The following DGCR8 variants were observed in gnomAD, a reference collection of about 807,000 sequenced individuals.
DGCR8 encodes the protein DGCR8 microprocessor complex subunit, also known as microprocessor complex subunit DGCR8.
A neutral mutation model predicts 78.5 loss-of-function variants in DGCR8; 14 were observed. The ratio of observed to expected loss-of-function variants is 0.18; its 90% CI spans 0.12 to 0.28. The LOEUF is 0.28. Among genes scored for constraint, DGCR8 ranks in the 10% least tolerant of loss-of-function variants. The pLI, the probability that DGCR8 is intolerant of heterozygous loss-of-function variation, is 1.00. For missense variants in DGCR8, 702 were observed against 1,022.5 expected, an observed-to-expected ratio of 0.69 and a Z score of 4.28; for synonymous variants, 399 against 402.4, an observed-to-expected ratio of 0.99 and a Z score of 0.10.
rs2049464085 is a variant in DGCR8, at chr22:20,085,060, C to T, written c.-277-627C>T. 1.0e-6 allele frequency: 1 copy of T among 983,920 alleles called. No homozygotes were observed. The highest frequency in any genetic ancestry group is 1.2e-6 in the Non-Finnish European group (1 of 828,686). 60.9% of individuals were successfully genotyped at this position (983,920 alleles called of 1,614,324 possible). A position where few individuals can be genotyped will look rare whatever the true frequency, so the allele number is the denominator to read the frequency against. On this transcript the variant is annotated intron_variant, in intron 1 of 13. Transcript: ENST00000351989. The surrounding 1 kb of genome is among the most constrained non-coding windows in gnomAD (Gnocchi z 6.2). The stretch of plus-strand genomic sequence containing the variant: ...AGGTCCCTTCCCCACAGCCACCCAC[C>T]CCTCTCCTCCATCGGGAACAGAACT...
At chr22:20,095,278 G>T (rs1428093119) in intron 9 of DGCR8, among the ~76,000 whole-genome samples, 1 of 152,068 alleles carries the variant, frequency 6.6e-6, no homozygotes, top group African/African-American at 2.4e-5. Context: ...GCTAATTTTT[G>T]TATTTTTAGT....
chr22:20,104,234 G>A (rs975871125), intron 9 of DGCR8, among the ~76,000 whole-genome samples: 6 of 149,998 alleles, frequency 4.0e-5, no homozygotes, highest in Admixed American at 3.3e-4. Context: ...GCGCAATCTT[G>A]GCTCACTGCA....
chr22:20,081,737 C>G (rs1291975508), intron 1 of DGCR8, among the ~76,000 whole-genome samples: 1 of 152,218 alleles, frequency 6.6e-6, no homozygotes, highest in Non-Finnish European at 1.5e-5. Context: ...GCCACCTCTT[C>G]CATATCTCCA....
intron 11 of DGCR8, chr22:20,107,028 G>A (rs936606304): frequency 8.3e-5 from 48 of 580,450 alleles, no homozygotes; most frequent in African/African-American, 1.3e-4. Context: ...GGAGGCTCTC[G>A]GCTGCGTGGC....
At chr22:20,095,548 C>T (rs774929897) in intron 9 of DGCR8, among the ~76,000 whole-genome samples, 4 of 152,114 alleles carry the variant, frequency 2.6e-5, no homozygotes, top group Non-Finnish European at 5.9e-5. Context: ...GACCAGAAGC[C>T]GTACCAGTAA....
At chr22:20,092,515 G>A (rs372634881) in intron 7 of DGCR8, among the ~76,000 whole-genome samples, 2 of 152,122 alleles carry the variant, frequency 1.3e-5, no homozygotes, top group Non-Finnish European at 1.5e-5. Flanking sequence ...TCCGTCTTTC[G>A]TAGACCTTGG....
intron 1 of DGCR8, among the ~76,000 whole-genome samples, chr22:20,081,342 G>A (rs1345942317): frequency 2.6e-5 from 4 of 152,254 alleles, no homozygotes; most frequent in African/African-American, 9.6e-5. Flanking sequence ...TGCTGTCCAA[G>A]TGTACGGGTT....
rs1178146959 is a variant in DGCR8 at position 20,086,353 on chromosome 22, T to C, written c.390T>C (p.Ser130=). 6.2e-7 allele frequency: 1 copy of C among 1,612,088 alleles called. No homozygotes were observed. The highest frequency in any genetic ancestry group is 2.2e-5 in the East Asian group (1 of 44,812). The change falls in exon 2 of 14, where the codon AGT becomes AGC. Residue 130 remains serine, a synonymous_variant. Coordinates refer to ENST00000351989, the MANE Select transcript of DGCR8 (RefSeq NM_022720.7). The surrounding 1 kb of genome is among the most constrained non-coding windows in gnomAD (Gnocchi z 6.4). ...ISVSFTESCR[S]KDRKVLYTGA... ...TGAGCTTTACCGAGAGCTGCAGGAG[T>C]AAGGACAGGAAGGTGCTGTACACAG... is the stretch of plus-strand genomic sequence containing the variant.
chr22:20,083,608 C>T (rs1001666993), intron 1 of DGCR8, among the ~76,000 whole-genome samples: 7 of 152,090 alleles, frequency 4.6e-5, no homozygotes, highest in Non-Finnish European at 1.0e-4. Context: ...TAGCAGGCTT[C>T]CCCATTCCGT....
chr22:20,101,616 C>T, intron 9 of DGCR8: 1 of 985,336 alleles, frequency 1.0e-6, no homozygotes, highest in Middle Eastern at 5.2e-4. Context: ...TGTGATGTCC[C>T]CATTTAAAAA....
At chr22:20,096,960 T>C (rs915707092) in intron 9 of DGCR8, among the ~76,000 whole-genome samples, 3 of 152,192 alleles carry the variant, frequency 2.0e-5, no homozygotes, top group Non-Finnish European at 2.9e-5. Context: ...TTTAGTAATA[T>C]AGTGTATTAT....
Position 20,087,030 on chromosome 22 carries a change from C to A in DGCR8, c.721-132C>A. ...CCTGTTTGTTTTTCAGATGATCATG[C>A]ACCCTAAGGGCACATCTAGGCCCCC... is the stretch of plus-strand genomic sequence containing the variant. On this transcript the variant is annotated intron_variant, in intron 2 of 13. Transcript: ENST00000351989. This position sits in a 1 kb window ranked among gnomAD's most constrained non-coding sequence, Gnocchi z 4.1. The A allele has an allele frequency of 8.4e-7, 1 of 1,187,834 alleles. No individual in the cohort carries two copies. The highest frequency in any genetic ancestry group is 1.2e-6 in the Non-Finnish European group (1 of 847,302). 73.6% of individuals were successfully genotyped at this position (1,187,834 alleles called of 1,614,324 possible).
chr22:20,091,608 G>A lies in DGCR8; in HGVS notation c.1480G>A (p.Val494Met). The A allele has an allele frequency of 6.2e-7, 1 of 1,614,200 alleles. No homozygotes were observed. Among genetic ancestry groups the A allele is most frequent in the Non-Finnish European group, 8.5e-7 (1 of 1,180,042 alleles). The change falls in exon 6 of 14, where the codon GTG (valine) becomes ATG (methionine). Residue 494 changes from valine (V) to methionine (M), a missense_variant. By Grantham distance (21) the Val-to-Met change is conservative. Around this residue, in one of 4 missense-constraint regions of DGCR8, gnomAD observed 225 missense variants for 427.7 expected, o/e 0.53. Transcript: ENST00000351989. ...PANQKLITLS[V>M]QDAPTKKEFV... is the part of the protein sequence containing the mutation. Reference sequence around the variant, plus strand: ...CAATCAGAAGCTCATTACTTTATCAGTGCAAGATGCACCCACAAAGAAAGG... The same window carrying A: ...CAATCAGAAGCTCATTACTTTATCAATGCAAGATGCACCCACAAAGAAAGG...
At chr22:20,097,481 C>T (rs565031095) in intron 9 of DGCR8, among the ~76,000 whole-genome samples, 1 of 152,216 alleles carries the variant, frequency 6.6e-6, no homozygotes, top group Admixed American at 6.5e-5. Context: ...CCTAGTATCC[C>T]CATATGACCC....
At chr22:20,106,300 C>T (rs374414348) in intron 10 of DGCR8, 23 bp downstream of exon 10, 12 of 1,589,750 alleles carry the variant, frequency 7.5e-6, no homozygotes, top group Middle Eastern at 1.9e-4. Context: ...GGTGCCTCCC[C>T]CCATGAGTCA....
chr22:20,101,393 G>A (rs967749769), intron 9 of DGCR8: 6 of 735,590 alleles, frequency 8.2e-6, no homozygotes, highest in African/African-American at 7.7e-5. Context: ...TGGCTAACAC[G>A]GTGAAACCCC....
intron 9 of DGCR8, among the ~76,000 whole-genome samples, chr22:20,104,213 G>A (rs867216750): frequency 3.6e-4 from 55 of 150,892 alleles, no homozygotes; most frequent in Middle Eastern, 3.5e-3. Flanking sequence ...GCCGGACTGC[G>A]GACTGCAGTG....
In DGCR8 at chr22:20,087,268, A is replaced by G; in HGVS notation, c.827A>G (p.Asp276Gly). 3 of 1,614,016 alleles carry G rather than the reference A, an allele frequency of 1.9e-6. No individual in the cohort carries two copies. The highest frequency in any genetic ancestry group is 2.5e-6 in the Non-Finnish European group (3 of 1,179,890). ...GGCGGAGACAGCGACCATCCGTCCG[A>G]TGGAGAGACAAGTGTGCAGCCGATG... ...KYGGDSDHPS[D>G]GETSVQPMMT... Residue 276 changes from aspartate to glycine, a missense_variant, in exon 3 of 14, where the codon GAT (aspartate) becomes GGT (glycine). Around this residue, in one of 4 missense-constraint regions of DGCR8, gnomAD observed 356 missense variants for 448.9 expected, o/e 0.79. Transcript: ENST00000351989. The surrounding 1 kb of genome is among the most constrained non-coding windows in gnomAD (Gnocchi z 4.1).
Position 20,108,793 on chromosome 22 carries a change from G to GCCAGACCCTGGGCGCA in DGCR8, c.2125-95_2125-94insAGACCCTGGGCGCACC, listed in dbSNP as rs1568963328. The GCCAGACCCTGGGCGCA allele has an allele frequency of 5.1e-5, 41 of 798,348 alleles. No individual in the cohort carries two copies. In the African/African-American group the frequency reaches 6.4e-4, roughly 13 times the overall value. 49.5% of individuals were successfully genotyped at this position (798,348 alleles called of 1,614,324 possible). On this transcript the variant is annotated intron_variant, in intron 12 of 13. Transcript: ENST00000351989. The stretch of plus-strand genomic sequence containing the variant: ...TTCGTGTCTGCCAGACCCTGGGCGC[G>GCCAGACCCTGGGCGCA]CCTGCCTTCAGGGTCCCAGGCACAC...
Sources: gnomAD v4.1 joint callset for allele counts (sites outside exome capture counted in the v4.1 genomes callset) on GRCh38, gnomAD v4.1.1 for gene constraint, gnomAD v4.1.1 regional missense constraint, Gnocchi (gnomAD v3.1) non-coding constraint, MANE v1.5 for transcripts, NCBI Gene and HGNC (gene_info 2026-07-23, HGNC 2026-07-21) for gene names.